Variants in CHURC1 observed in about 807,000 individuals in gnomAD.
The protein encoded by CHURC1 is churchill domain containing 1.
Under a neutral mutation model 15.4 loss-of-function variants are expected in CHURC1, and 12 were observed. The observed-to-expected ratio is 0.78, with a 90% CI of 0.50 to 1.27. The LOEUF (loss-of-function observed/expected upper bound fraction) is 1.27. Among genes scored for constraint, CHURC1 ranks in the 50% most tolerant of loss-of-function variants. The probability of loss-of-function intolerance (pLI) is 0.00; values close to 1 mark genes in which losing one functional copy is unlikely to be tolerated. For synonymous variants in CHURC1, 42 were observed against 47.5 expected (o/e 0.88, Z 0.48); for missense variants, 132 against 137.8 (o/e 0.96, Z 0.21).
At chr14:64,926,854 A>T (rs888705505) in intron 3 of CHURC1, among the ~76,000 whole-genome samples, 3 of 152,234 alleles carry the variant, frequency 2.0e-5, no homozygotes, top group Admixed American at 2.0e-4. Context: ...TGGAAGGTTG[A>T]TATAGGCCTG....
At chr14:64,919,338 G>A (rs769052206) in intron 1 of CHURC1, among the ~76,000 whole-genome samples, 7 of 152,146 alleles carry the variant, frequency 4.6e-5, no homozygotes, top group Admixed American at 1.3e-4. Flanking sequence ...CAATGTTAGT[G>A]ATATGTTTAA....
chr14:64,932,436 C>T lies in CHURC1; in HGVS notation c.*206C>T, dbSNP rs371462373. ...TTCTGCTAAAGTTCAAAGTTCACAT[C>T]AGTGTAGCCAGAGTGAAGCATCTTT... is the stretch of plus-strand genomic sequence containing the variant. On this transcript the variant is annotated 3_prime_UTR_variant, in exon 4 of 4. Coordinates refer to ENST00000549115, the MANE Select transcript of CHURC1 (RefSeq NM_001386928.1). 7.0e-6 allele frequency: 9 copies of T among 1,285,552 alleles called. No individual in the cohort carries two copies. Among genetic ancestry groups the T allele is most frequent in the Non-Finnish European group, 8.9e-6 (9 of 1,012,916 alleles). 79.6% of individuals were successfully genotyped at this position (1,285,552 alleles called of 1,614,324 possible).
At chr14:64,917,511 C>G (rs185497128) in intron 1 of CHURC1, among the ~76,000 whole-genome samples, 1 of 151,784 alleles carries the variant, frequency 6.6e-6, no homozygotes, top group South Asian at 2.1e-4. Context: ...TGCAGTGAGC[C>G]GAGATCACAC....
chr14:64,920,204 C>T (rs10132742), intron 1 of CHURC1, among the ~76,000 whole-genome samples: 40,197 of 152,008 alleles, frequency 0.26, 6,078 homozygotes, highest in African/African-American at 0.4. Context: ...ATTATTCTTA[C>T]AGTTTTCAGC....
Position 64,914,463 on chromosome 14 carries a change from C to A in CHURC1, c.-33C>A. 1.2e-6 allele frequency: 2 copies of A among 1,614,300 alleles called. No individual in the cohort carries two copies. Among genetic ancestry groups the A allele is most frequent in the Non-Finnish European group, 1.7e-6 (2 of 1,180,054 alleles). ...TCGCGAGGTTTCGTCTTCCCGGAAGCGTTGGAGGACATTCCCTGTTGACTG... is the reference window on the plus strand; with the variant it reads ...TCGCGAGGTTTCGTCTTCCCGGAAGAGTTGGAGGACATTCCCTGTTGACTG... On this transcript the variant is annotated 5_prime_UTR_variant, in exon 1 of 4. Transcript: ENST00000549115.
Position 64,933,224 on chromosome 14 carries a change from G to A in CHURC1, c.*994G>A. Reference sequence around the variant, plus strand: ...AAGGAAAATCTGAGACATGGTCACAGCCAAGAGGAGCCTGAGAAGACATGA... The same window carrying A: ...AAGGAAAATCTGAGACATGGTCACAACCAAGAGGAGCCTGAGAAGACATGA... On this transcript the variant is annotated 3_prime_UTR_variant, in exon 4 of 4. Transcript: ENST00000549115. The A allele has an allele frequency of 3.7e-6, 1 of 269,140 alleles. No individual in the cohort carries two copies. Among genetic ancestry groups the A allele is most frequent in the Non-Finnish European group, 5.7e-6 (1 of 174,474 alleles). 16.7% of individuals were successfully genotyped at this position (269,140 alleles called of 1,614,324 possible).
chr14:64,927,716 A>ACCCCCCCCCCCCC (rs1172402751), intron 3 of CHURC1, among the ~76,000 whole-genome samples: 1 of 40,648 alleles, frequency 2.5e-5, no homozygotes, highest in Non-Finnish European at 4.8e-5. Flanking sequence ...TTCTCCCCCC[A>ACCCCCCCCCCCCC]CCCCCCCCCC....
chr14:64,934,375 C>CA lies in CHURC1; in HGVS notation c.*2152dup, dbSNP rs1469247784. 37 of 950,524 alleles carry CA rather than the reference C, an allele frequency of 3.9e-5. No homozygotes were observed. The highest frequency in any genetic ancestry group is 4.5e-5 in the Non-Finnish European group (36 of 798,570). 58.9% of individuals were successfully genotyped at this position (950,524 alleles called of 1,614,324 possible). On this transcript the variant is annotated 3_prime_UTR_variant, in exon 4 of 4. Coordinates refer to ENST00000549115, the MANE Select transcript of CHURC1 (RefSeq NM_001386928.1). Reference sequence around the variant, plus strand: ...AAACAAAAACAAAACAAAACAACAACAAAAAAAGAAGTTAAATAACTTGTT... The same window carrying CA: ...AAACAAAAACAAAACAAAACAACAACAAAAAAAAGAAGTTAAATAACTTGTT...
chr14:64,914,519 G>A lies in CHURC1; in HGVS notation c.24G>A (p.Lys8=), dbSNP rs1168918702. Residue 8 remains lysine (K), a synonymous_variant, in exon 1 of 4, where the codon AAG becomes AAA. Coordinates refer to ENST00000549115, the MANE Select transcript of CHURC1 (RefSeq NM_001386928.1). ...CGATGTGTGGCGACTGTGTGGAGAAGGAATATCCCAACCGGGTGAGCGACT... is the reference window on the plus strand; with the variant it reads ...CGATGTGTGGCGACTGTGTGGAGAAAGAATATCCCAACCGGGTGAGCGACT... MCGDCVE[K]EYPNRGNTCL... 3 of 1,614,266 alleles carry A rather than the reference G, an allele frequency of 1.9e-6. No individual in the cohort carries two copies. Among genetic ancestry groups the A allele is most frequent in the Admixed American group, 3.3e-5 (2 of 60,034 alleles).
Position 64,934,609 on chromosome 14 carries a change from T to C in CHURC1, c.*2379T>C, listed in dbSNP as rs1185843214. On this transcript the variant is annotated 3_prime_UTR_variant, in exon 4 of 4. Coordinates refer to ENST00000549115, the MANE Select transcript of CHURC1 (RefSeq NM_001386928.1). ...TTGTTTTATTCCTGGAAAATGTTTT[T>C]CATTTTGCTGCAAATCTATATCTGA... 7.1e-6 allele frequency: 7 copies of C among 985,340 alleles called. No homozygotes were observed. The African/African-American group carries it at 1.2e-4, about 17-fold the overall frequency. 61.0% of individuals were successfully genotyped at this position (985,340 alleles called of 1,614,324 possible).
At chr14:64,921,447 A>T (rs146923630) in intron 1 of CHURC1, among the ~76,000 whole-genome samples, 1 of 150,070 alleles carries the variant, frequency 6.7e-6, no homozygotes, top group East Asian at 1.9e-4. Flanking sequence ...TGTATCTAAG[A>T]TATATAAAGA....
rs752598262 is a variant in CHURC1, at chr14:64,914,507, C to G, written c.12C>G (p.Asp4Glu). Residue 4 changes from aspartate to glutamate, a missense_variant, in exon 1 of 4, where the codon GAC (aspartate) becomes GAG (glutamate). Physicochemically the swap from Asp to Glu is conservative, Grantham distance 45. Coordinates refer to ENST00000549115, the MANE Select transcript of CHURC1 (RefSeq NM_001386928.1). ...TTGACTGCGTCGCGATGTGTGGCGA[C>G]TGTGTGGAGAAGGAATATCCCAACC... MCG[D>E]CVEKEYPNRG... The G allele has an allele frequency of 9.3e-6, 15 of 1,614,162 alleles. No individual in the cohort carries two copies. Among genetic ancestry groups the G allele is most frequent in the Non-Finnish European group, 1.2e-5 (14 of 1,180,058 alleles).
In CHURC1 at chr14:64,926,095, G is replaced by A; in HGVS notation, c.246+15G>A. 6.5e-7 allele frequency: 1 copy of A among 1,547,002 alleles called. No individual in the cohort carries two copies. Reference sequence around the variant, plus strand: ...ATGAATTTCAGGTAAATATAAATATGGGTATAAATATAAATATGGGGAGGT... The same window carrying A: ...ATGAATTTCAGGTAAATATAAATATAGGTATAAATATAAATATGGGGAGGT... On this transcript the variant is annotated intron_variant, in intron 3 of 3. Transcript: ENST00000549115.
In CHURC1 at chr14:64,914,543, C is replaced by T. The variant is rs748584847; in HGVS notation, c.39+9C>T. The T allele has an allele frequency of 1.9e-6, 3 of 1,614,216 alleles. No individual in the cohort carries two copies. Among genetic ancestry groups the T allele is most frequent in the Non-Finnish European group, 2.5e-6 (3 of 1,180,016 alleles). On this transcript the variant is annotated intron_variant, in intron 1 of 3. Transcript: ENST00000549115. ...AGGAATATCCCAACCGGGTGAGCGA[C>T]TGGGCGCTCCCTTGGCCCGCGGGCG... is the stretch of plus-strand genomic sequence containing the variant.
Position 64,934,208 on chromosome 14 carries a change from G to A in CHURC1, c.*1978G>A, listed in dbSNP as rs948584441. ...AAATACAAAAACAAAAATTAGCCAG[G>A]GGTGGTGGTATGCACCTGCAGTCCC... On this transcript the variant is annotated 3_prime_UTR_variant, in exon 4 of 4. Coordinates refer to ENST00000549115, the MANE Select transcript of CHURC1 (RefSeq NM_001386928.1). 7 of 370,694 alleles carry A rather than the reference G, an allele frequency of 1.9e-5. No homozygotes were observed. The highest frequency in any genetic ancestry group is 2.6e-5 in the Non-Finnish European group (7 of 268,610). 23.0% of individuals were successfully genotyped at this position (370,694 alleles called of 1,614,324 possible).
In CHURC1 at chr14:64,914,475, T is replaced by G. The variant is rs780724823; in HGVS notation, c.-21T>G. On this transcript the variant is annotated 5_prime_UTR_variant, in exon 1 of 4. Transcript: ENST00000549115. The stretch of plus-strand genomic sequence containing the variant: ...GTCTTCCCGGAAGCGTTGGAGGACA[T>G]TCCCTGTTGACTGCGTCGCGATGTG... 4.3e-6 allele frequency: 7 copies of G among 1,614,228 alleles called. No homozygotes were observed. Among genetic ancestry groups the G allele is most frequent in the Non-Finnish European group, 5.9e-6 (7 of 1,180,030 alleles).
chr14:64,925,006 G>C (rs1455205695), intron 2 of CHURC1, among the ~76,000 whole-genome samples: 9 of 152,142 alleles, frequency 5.9e-5, no homozygotes, highest in Non-Finnish European at 2.9e-5. Flanking sequence ...TTTAGCATAT[G>C]TTTTCTTTAA....
Position 64,934,213 on chromosome 14 carries a change from G to A in CHURC1, c.*1983G>A, listed in dbSNP as rs1276260968. 3.0e-6 allele frequency: 1 copy of A among 338,004 alleles called. No individual in the cohort carries two copies. The highest frequency in any genetic ancestry group is 4.2e-6 in the Non-Finnish European group (1 of 238,442). The allele number at this position is 338,004 out of a possible 1,614,324, so 20.9% of individuals were successfully genotyped here. A position where few individuals can be genotyped will look rare whatever the true frequency, so the allele number is the denominator to read the frequency against. ...CAAAAACAAAAATTAGCCAGGGGTG[G>A]TGGTATGCACCTGCAGTCCCAGCAA... is the stretch of plus-strand genomic sequence containing the variant. On this transcript the variant is annotated 3_prime_UTR_variant, in exon 4 of 4. Coordinates refer to ENST00000549115, the MANE Select transcript of CHURC1 (RefSeq NM_001386928.1).
In CHURC1 at chr14:64,924,001, G is replaced by GC. The variant is rs1884502014; in HGVS notation, c.52dup (p.Leu18ProfsTer18). The GC allele has an allele frequency of 6.4e-7, 1 of 1,567,522 alleles. No homozygotes were observed. ...TTTCTGATATTTTAGGGTAATACCT[G>GC]CCTGGAGAATGGATCTTTCTTACTG... On this transcript the variant is annotated frameshift_variant, in exon 2 of 4. Coordinates refer to ENST00000549115, the MANE Select transcript of CHURC1 (RefSeq NM_001386928.1). LOFTEE classifies it high-confidence loss of function.
Sources: gnomAD v4.1 joint callset for allele counts (sites outside exome capture counted in the v4.1 genomes callset) on GRCh38, gnomAD v4.1.1 for gene constraint, MANE v1.5 for transcripts, NCBI Gene and HGNC (gene_info 2026-07-23, HGNC 2026-07-21) for gene names.